CSMD1: variants seen among roughly 807,000 people sequenced by gnomAD.
CSMD1 encodes the protein CUB and Sushi multiple domains 1.
CSMD1 carries 213 observed loss-of-function variants against 417.5 expected under a neutral mutation model. That is an observed-to-expected ratio of 0.51 (90% confidence interval 0.46 to 0.57). The LOEUF is 0.57. CSMD1 is among the 20% of genes least tolerant of loss of function. The probability of loss-of-function intolerance (pLI) is 0.00; values close to 1 mark genes in which losing one functional copy is unlikely to be tolerated. For synonymous variants in CSMD1, 2,862 were observed against 1,736.8 expected (o/e 1.65, Z -16.11); for missense variants, 6,923 against 4,529.7 (o/e 1.53, Z -15.17).
At chr8:2,998,676 A>G (rs1807129257) in intron 53 of CSMD1, among the ~76,000 whole-genome samples, 1 of 152,210 alleles carries the variant, frequency 6.6e-6, no homozygotes, top group African/African-American at 2.4e-5. Context: ...AATTAGCAAA[A>G]TAACTAAGCA....
intron 3 of CSMD1, among the ~76,000 whole-genome samples, chr8:4,268,630 A>C (rs1030860040): frequency 2.0e-5 from 3 of 152,180 alleles, no homozygotes; most frequent in African/African-American, 7.2e-5. Flanking sequence ...AGTCAAGTTC[A>C]CAGAAAACCT....
chr8:4,489,389 C>G (rs1355945106), intron 2 of CSMD1, among the ~76,000 whole-genome samples: 1 of 152,096 alleles, frequency 6.6e-6, no homozygotes, highest in Non-Finnish European at 1.5e-5. Flanking sequence ...ACATGCAATC[C>G]CCACCAAAAC....
At chr8:4,513,887 G>T (rs1470105569) in intron 2 of CSMD1, among the ~76,000 whole-genome samples, 3 of 152,236 alleles carry the variant, frequency 2.0e-5, no homozygotes, top group South Asian at 2.1e-4. Context: ...TGTGATCAGT[G>T]GTTCCTAGGT....
chr8:3,985,722 A>T (rs1280643523), intron 5 of CSMD1, among the ~76,000 whole-genome samples: 2 of 151,268 alleles, frequency 1.3e-5, no homozygotes, highest in Non-Finnish European at 2.9e-5. Flanking sequence ...TCAAGAAGTT[A>T]GATTAAAAAG....
At chr8:3,982,665 T>A (rs1422947662) in intron 5 of CSMD1, among the ~76,000 whole-genome samples, 1 of 151,150 alleles carries the variant, frequency 6.6e-6, no homozygotes, top group African/African-American at 2.4e-5. Flanking sequence ...AGGGCAGATC[T>A]GAGACCAGGG....
At chr8:3,639,016 G>A (rs1797179729) in intron 7 of CSMD1, among the ~76,000 whole-genome samples, 3 of 152,212 alleles carry the variant, frequency 2.0e-5, no homozygotes, top group Admixed American at 6.5e-5. Context: ...AGTTGTGAGT[G>A]AATATTTGTC....
intron 1 of CSMD1, among the ~76,000 whole-genome samples, chr8:4,937,202 G>T (rs1458363667): frequency 6.6e-6 from 1 of 151,174 alleles, no homozygotes; most frequent in Non-Finnish European, 1.5e-5. Context: ...AACAGAGCCA[G>T]GCCCTGTCTC....
intron 5 of CSMD1, among the ~76,000 whole-genome samples, chr8:3,850,663 C>G (rs900066881): frequency 1.3e-5 from 2 of 151,954 alleles, no homozygotes; most frequent in African/African-American, 4.8e-5. Flanking sequence ...CCACTGCACT[C>G]CAGCCTGGGT....
At chr8:4,017,978 T>C (rs1160896197) in intron 4 of CSMD1, among the ~76,000 whole-genome samples, 4 of 152,190 alleles carry the variant, frequency 2.6e-5, no homozygotes, top group African/African-American at 9.7e-5. Context: ...TTTATACATG[T>C]TGCATTTTGA....
intron 1 of CSMD1, among the ~76,000 whole-genome samples, chr8:4,686,160 A>C (rs566620793): frequency 6.6e-6 from 1 of 152,356 alleles, no homozygotes; most frequent in African/African-American, 2.4e-5. Flanking sequence ...ACACTCAAGA[A>C]GAGAAGCAGT....
chr8:3,599,857 C>T (rs1478736876), intron 8 of CSMD1, among the ~76,000 whole-genome samples: 2 of 152,190 alleles, frequency 1.3e-5, no homozygotes, highest in Non-Finnish European at 2.9e-5. Context: ...TTCTTTCATA[C>T]ACAAGAAAGT....
chr8:3,916,257 CAG>C (rs1808820451), intron 5 of CSMD1, among the ~76,000 whole-genome samples: 2 of 152,064 alleles, frequency 1.3e-5, no homozygotes, highest in African/African-American at 2.4e-5. Context: ...ATATATACAA[CAG>C]GAGCCCAGAA....
intron 3 of CSMD1, among the ~76,000 whole-genome samples, chr8:4,107,714 C>G (rs1431866335): frequency 6.6e-6 from 1 of 152,114 alleles, no homozygotes; most frequent in Non-Finnish European, 1.5e-5. Context: ...GCACACGCTC[C>G]ATCAGATGCT....
At position 3,348,088 on chromosome 8, in the gene CSMD1, A is replaced by G. The variant is rs759220597; in HGVS notation, c.3378T>C (p.Asn1126=). The change falls in exon 22 of 70, where the codon AAT becomes AAC. Residue 1126 remains asparagine, a synonymous_variant. Coordinates refer to ENST00000635120, the MANE Select transcript of CSMD1 (RefSeq NM_033225.6). Reference sequence around the variant, plus strand: ...CTATTTTATAGATACACTCATGGTTATTATCATAATTGGATGGAAAATTTG... The same window carrying G: ...CTATTTTATAGATACACTCATGGTTGTTATCATAATTGGATGGAAAATTTG... ...LSPNFPSNYD[N]NHECIYKIET... The G allele has an allele frequency of 1.7e-5, 27 of 1,612,650 alleles. No individual in the cohort carries two copies. The highest frequency in any genetic ancestry group is 4.0e-5 in the African/African-American group (3 of 74,988).
chr8:3,901,103 G>C (rs1412396815), intron 5 of CSMD1, among the ~76,000 whole-genome samples: 2 of 152,192 alleles, frequency 1.3e-5, no homozygotes, highest in East Asian at 1.9e-4. Flanking sequence ...CAAGGTTAAT[G>C]TGTGTATACT....
chr8:3,142,670 T>C lies in CSMD1; in HGVS notation c.6036A>G (p.Ala2012=), dbSNP rs1402782817. ...WRISLPIGYG[A]HIQFLNFSTE... The stretch of plus-strand genomic sequence containing the variant: ...TAGAAAAATTCAGAAACTGAATATG[T>C]GCACCTATGGAAAAACATGCAAACT... Residue 2012 remains alanine (A), a synonymous_variant, in exon 41 of 70, where the codon GCA becomes GCG. Coordinates refer to ENST00000635120, the MANE Select transcript of CSMD1 (RefSeq NM_033225.6). 6.2e-7 allele frequency: 1 copy of C among 1,610,728 alleles called. No homozygotes were observed. Among genetic ancestry groups the C allele is most frequent in the East Asian group, 2.2e-5 (1 of 44,878 alleles).
intron 3 of CSMD1, among the ~76,000 whole-genome samples, chr8:4,209,849 G>A (rs558771080): frequency 2.0e-4 from 30 of 152,244 alleles, no homozygotes; most frequent in East Asian, 9.7e-4. Context: ...AATAAGGAGC[G>A]GTTAATGCAG....
In CSMD1 at chr8:4,369,596, G is replaced by GCA. The variant is rs1802285402; in HGVS notation, c.415+50356_415+50357insTG. 3.9e-5 allele frequency among the ~76,000 whole-genome samples: 6 copies of GCA among 151,962 alleles called. No individual in the cohort carries two copies. In the South Asian group the frequency reaches 8.3e-4, roughly 21 times the overall value. On this transcript the variant is annotated intron_variant, in intron 3 of 69. Coordinates refer to ENST00000635120, the MANE Select transcript of CSMD1 (RefSeq NM_033225.6). ...TCTAAGTCTGTCTGTAGATCTCTAT[G>GCA]AACTTGTTTTATGACTATGAGTGCT...
rs572468091 is a variant in CSMD1 at position 3,606,751 on chromosome 8, C to A, written c.1097+9959G>T. Among the ~76,000 whole-genome samples, 5 of 151,308 alleles carry A rather than the reference C, an allele frequency of 3.3e-5. No individual in the cohort carries two copies. In the South Asian group the frequency reaches 1.0e-3, roughly 32 times the overall value. On this transcript the variant is annotated intron_variant, in intron 8 of 69. Transcript: ENST00000635120. Reference sequence around the variant, plus strand: ...TTTTGAGACAGAGTCTCACTGGGTCCCCAGGCTGGGGTACAGTGGCGTGAT... The same window carrying A: ...TTTTGAGACAGAGTCTCACTGGGTCACCAGGCTGGGGTACAGTGGCGTGAT...
Sources: allele counts gnomAD v4.1 joint callset (sites outside exome capture counted in the v4.1 genomes callset), GRCh38; gene constraint gnomAD v4.1.1; transcripts MANE v1.5; gene names NCBI Gene and HGNC (gene_info 2026-07-23, HGNC 2026-07-21).